DLG2: variants seen among roughly 807,000 people sequenced by gnomAD.
DLG2 encodes the protein disks large homolog 2.
DLG2 carries 45 observed loss-of-function variants against 132.5 expected under a neutral mutation model. That is an observed-to-expected ratio of 0.34 (90% CI 0.27 to 0.44). The LOEUF (loss-of-function observed/expected upper bound fraction) is 0.44. DLG2 is among the 20% of genes least tolerant of loss of function. The pLI is 1.00. For missense variants in DLG2, 1,045 were observed against 1,196.9 expected, an observed-to-expected ratio of 0.87 and a Z score of 1.87; for synonymous variants, 424 against 419.6, an observed-to-expected ratio of 1.01 and a Z score of -0.13.
chr11:83,922,454 C>A (rs538964219), intron 15 of DLG2, among the ~76,000 whole-genome samples: 1 of 152,152 alleles, frequency 6.6e-6, no homozygotes, highest in Admixed American at 6.5e-5. Context: ...AGGGGCTATG[C>A]CTTGTGAGTC....
intron 4 of DLG2, among the ~76,000 whole-genome samples, chr11:85,228,441 C>G (rs1342311814): frequency 1.3e-5 from 2 of 152,086 alleles, no homozygotes; most frequent in Non-Finnish European, 2.9e-5. Context: ...GCCAATGAAG[C>G]AGGGAAATAC....
intron 21 of DLG2, among the ~76,000 whole-genome samples, chr11:83,496,523 T>C (rs2094157189): frequency 6.6e-6 from 1 of 152,192 alleles, no homozygotes; most frequent in Non-Finnish European, 1.5e-5. Flanking sequence ...TGTTCACAAT[T>C]ACCTCAAACT....
intron 11 of DLG2, among the ~76,000 whole-genome samples, chr11:84,017,796 A>C (rs1418170913): frequency 1.3e-5 from 2 of 152,048 alleles, no homozygotes; most frequent in Admixed American, 6.6e-5. Flanking sequence ...CTTAAAAAGT[A>C]TTTAGTACCT....
intron 6 of DLG2, among the ~76,000 whole-genome samples, chr11:84,757,994 T>C (rs2067113248): frequency 6.6e-6 from 1 of 152,260 alleles, no homozygotes; most frequent in Middle Eastern, 3.4e-3. Flanking sequence ...GATTTAAAAG[T>C]ATCTGAGGAA....
intron 7 of DLG2, among the ~76,000 whole-genome samples, chr11:84,274,055 G>C (rs1001916249): frequency 1.3e-5 from 2 of 152,166 alleles, no homozygotes; most frequent in African/African-American, 4.8e-5. Flanking sequence ...CGGGAAATGA[G>C]AGTAGGCTGG....
intron 6 of DLG2, among the ~76,000 whole-genome samples, chr11:85,108,356 G>A (rs190417547): frequency 1.6e-4 from 25 of 152,158 alleles, no homozygotes; most frequent in African/African-American, 5.3e-4. Context: ...AGGCCTGTAA[G>A]TATGAATTAA....
At chr11:83,817,476 T>C (rs2049353783) in intron 17 of DLG2, among the ~76,000 whole-genome samples, 2 of 152,156 alleles carry the variant, frequency 1.3e-5, no homozygotes, top group African/African-American at 4.8e-5. Flanking sequence ...TATCGAGGAA[T>C]TGAGACTTTA....
intron 6 of DLG2, among the ~76,000 whole-genome samples, chr11:84,709,948 A>T (rs2060195222): frequency 1.3e-5 from 2 of 151,900 alleles, no homozygotes; most frequent in African/African-American, 4.8e-5. Context: ...TAAAGACATC[A>T]TTGGTTCTCT....
At chr11:84,699,182 C>A (rs559828690) in intron 6 of DLG2, among the ~76,000 whole-genome samples, 2 of 151,574 alleles carry the variant, frequency 1.3e-5, no homozygotes, top group East Asian at 3.9e-4. Flanking sequence ...AATTTGTAGC[C>A]AGGCAGCTTT....
intron 6 of DLG2, among the ~76,000 whole-genome samples, chr11:85,064,151 G>C (rs1463563435): frequency 6.6e-6 from 1 of 151,814 alleles, no homozygotes. Context: ...TCATAACCAA[G>C]AAATAATACC....
At chr11:85,263,417 G>A (rs1251804807) in intron 4 of DLG2, among the ~76,000 whole-genome samples, 3 of 152,274 alleles carry the variant, frequency 2.0e-5, no homozygotes, top group Middle Eastern at 3.4e-3. Flanking sequence ...GTTTGCCCTG[G>A]TTGAGCTGCC....
At chr11:85,217,888 A>G (rs2082724935) in intron 4 of DLG2, among the ~76,000 whole-genome samples, 1 of 152,156 alleles carries the variant, frequency 6.6e-6, no homozygotes, top group African/African-American at 2.4e-5. Flanking sequence ...GTCTTCTAGG[A>G]TTTTTAAAGT....
At chr11:85,161,001 G>C (rs1005471083) in intron 4 of DLG2, among the ~76,000 whole-genome samples, 5 of 152,192 alleles carry the variant, frequency 3.3e-5, no homozygotes, top group African/African-American at 1.2e-4. Flanking sequence ...ATTATATGCT[G>C]ATTCATGGGC....
At chr11:84,396,357 C>T (rs532243123) in intron 7 of DLG2, among the ~76,000 whole-genome samples, 60 of 152,202 alleles carry the variant, frequency 3.9e-4, no homozygotes, top group African/African-American at 1.4e-3. Flanking sequence ...TTAACCATAT[C>T]TTCAGAGGAA....
chr11:83,525,204 C>T (rs2095576844), intron 21 of DLG2, among the ~76,000 whole-genome samples: 1 of 152,154 alleles, frequency 6.6e-6, no homozygotes, highest in Non-Finnish European at 1.5e-5. Flanking sequence ...ATAGGACACA[C>T]CTTAACATGT....
chr11:83,692,193 C>G (rs1251476390), intron 18 of DLG2: 2 of 152,170 alleles, frequency 1.3e-5, no homozygotes, highest in South Asian at 2.1e-4. Context: ...CATTAGAAAA[C>G]AAGCAAACAA....
chr11:84,176,116 C>T (rs1454016), intron 8 of DLG2, among the ~76,000 whole-genome samples: 97,109 of 151,384 alleles, frequency 0.64, 33,285 homozygotes, highest in Middle Eastern at 0.81. Flanking sequence ...AAGCAATAAC[C>T]ATCAGTTTCC....
At chr11:84,679,185 C>A (rs1209748740) in intron 6 of DLG2, among the ~76,000 whole-genome samples, 1 of 151,754 alleles carries the variant, frequency 6.6e-6, no homozygotes, top group East Asian at 1.9e-4. Flanking sequence ...TGTGGCTGTA[C>A]AAAAAATATT....
At chr11:84,050,153 C>CTT (rs59128434) in intron 11 of DLG2, among the ~76,000 whole-genome samples, 4 of 141,162 alleles carry the variant, frequency 2.8e-5, no homozygotes, top group African/African-American at 1.1e-4. Flanking sequence ...CTACTGGAGA[C>CTT]TTTTTTTTTT....
Sources: allele counts gnomAD v4.1 joint callset (sites outside exome capture counted in the v4.1 genomes callset), GRCh38; gene constraint gnomAD v4.1.1; transcripts MANE v1.5; gene names NCBI Gene and HGNC (gene_info 2026-07-23, HGNC 2026-07-21).